PELI3: variants seen among roughly 807,000 people sequenced by gnomAD.
PELI3 encodes the protein pellino E3 ubiquitin protein ligase family member 3, also known as E3 ubiquitin-protein ligase pellino homolog 3.
A neutral mutation model predicts 35.5 loss-of-function variants in PELI3; 19 were observed. The observed-to-expected ratio is 0.54, with a 90% CI of 0.37 to 0.79. The LOEUF (loss-of-function observed/expected upper bound fraction) is 0.79, where lower values mean the gene tolerates loss of function less well. Among genes scored for constraint, PELI3 ranks in the 30% least tolerant of loss-of-function variants. The probability of loss-of-function intolerance (pLI) is 0.00; values close to 1 mark genes in which losing one functional copy is unlikely to be tolerated. For missense variants in PELI3, 490 were observed against 661.2 expected, an observed-to-expected ratio of 0.74 and a Z score of 2.84; for synonymous variants, 262 against 279.2, an observed-to-expected ratio of 0.94 and a Z score of 0.62.
At position 66,467,990 on chromosome 11, in the gene PELI3, A is replaced by G; in HGVS notation, c.-1-138A>G. 1.9e-6 allele frequency: 2 copies of G among 1,064,168 alleles called. No individual in the cohort carries two copies. The highest frequency in any genetic ancestry group is 3.8e-5 in the South Asian group (2 of 51,984). 65.9% of individuals were successfully genotyped at this position (1,064,168 alleles called of 1,614,324 possible). On this transcript the variant is annotated intron_variant, in intron 1 of 7. Coordinates refer to ENST00000320740, the MANE Select transcript of PELI3 (RefSeq NM_145065.3). The surrounding 1 kb of genome is among the most constrained non-coding windows in gnomAD (Gnocchi z 4.2). ...GGGCAGTTTAGAGGAGGCAGAGGGG[A>G]AGTGGTTGCCATAGCAGTAGAGGCG...
chr11:66,467,771 A>G lies in PELI3; in HGVS notation c.-1-357A>G, dbSNP rs75685325. Among the ~76,000 whole-genome samples the G allele has an allele frequency of 0.18, 27,836 of 152,152 alleles. 3,370 individuals carry two copies. Among genetic ancestry groups the G allele is most frequent in the Non-Finnish European group, 0.24 (16,593 of 67,958 alleles). ...CAGAGGTCCAGAGGCTAAGAGCTAT[A>G]AGCAGGAACTGAGTCTGAGATGAGG... On this transcript the variant is annotated intron_variant, in intron 1 of 7. Transcript: ENST00000320740. This position sits in a 1 kb window ranked among gnomAD's most constrained non-coding sequence, Gnocchi z 4.2.
rs776126149 is a variant in PELI3, at chr11:66,471,359, G to A, written c.342G>A (p.Pro114=). The A allele has an allele frequency of 1.5e-5, 25 of 1,613,766 alleles. No individual in the cohort carries two copies. The highest frequency in any genetic ancestry group is 9.3e-5 in the African/African-American group (7 of 74,926). ...ACGTCATGCACCACATCTCCACGCC[G>A]CTCGTCTCCAAGGCAAGCAACTGAC... is the stretch of plus-strand genomic sequence containing the variant. ...KPDVMHHIST[P]LVSKALSNRG... Residue 114 remains proline, a synonymous_variant, in exon 4 of 8, where the codon CCG becomes CCA. Coordinates refer to ENST00000320740, the MANE Select transcript of PELI3 (RefSeq NM_145065.3).
intron 2 of PELI3, 34 bp downstream of exon 2, chr11:66,468,314 C>A (rs1854606937): frequency 7.0e-7 from 1 of 1,425,110 alleles, no homozygotes; most frequent in African/African-American, 1.5e-5. Context: ...GGTGAAGCAC[C>A]AGACACCCAC....
Position 66,473,310 on chromosome 11 carries a change from G to A in PELI3, c.526G>A (p.Glu176Lys), listed in dbSNP as rs764668511. The A allele has an allele frequency of 2.0e-5, 32 of 1,613,314 alleles. No homozygotes were observed. Among genetic ancestry groups the A allele is most frequent in the Non-Finnish European group, 2.7e-5 (32 of 1,179,968 alleles). Residue 176 changes from glutamate to lysine, a missense_variant, in exon 6 of 8, where the codon GAG (glutamate) becomes AAG (lysine). Around this residue, in one of 3 missense-constraint regions of PELI3, gnomAD observed 349 missense variants for 484.8 expected, o/e 0.72. Coordinates refer to ENST00000320740, the MANE Select transcript of PELI3 (RefSeq NM_145065.3). The surrounding 1 kb of genome is among the most constrained non-coding windows in gnomAD (Gnocchi z 5.8). The part of the protein sequence containing the change: ...TDTSPGGGAA[E>K]GPSAQSTISR... ...CACGTCCCCTGGAGGAGGGGCTGCC[G>A]AGGGCCCTTCTGCCCAGAGCACCAT...
At chr11:66,475,408 C>G (rs889604793) in intron 7 of PELI3, among the ~76,000 whole-genome samples, 190 bp from the exon 8 acceptor site, 15 of 152,252 alleles carry the variant, frequency 9.9e-5, no homozygotes, top group Non-Finnish European at 2.2e-4. Flanking sequence ...GGCCCATGCC[C>G]CGTTGGGAGG....
rs952241632 is a variant in PELI3 at position 66,475,850 on chromosome 11, G to A, written c.1093G>A (p.Val365Ile). The A allele has an allele frequency of 6.8e-6, 11 of 1,606,998 alleles. No individual in the cohort carries two copies. The highest frequency in any genetic ancestry group is 1.3e-5 in the African/African-American group (1 of 74,926). The change falls in exon 8 of 8, where the codon GTC becomes ATC. Residue 365 changes from valine to isoleucine, a missense_variant. This residue lies in a region of PELI3 where 349 missense variants were observed against 484.8 expected (regional missense o/e 0.72). Transcript: ENST00000320740. ...CTGGGTCTACGTCCGCTGCGGGCAC[G>A]TCCATGGCTACCACGGCTGGGGCTG... ...QPWVYVRCGH[V>I]HGYHGWGCRR...
chr11:66,468,764 G>A (rs200713183), intron 2 of PELI3, 69 bp from the exon 3 acceptor site: 5 of 756,312 alleles, frequency 6.6e-6, no homozygotes, highest in East Asian at 2.5e-5. Context: ...AGCACATATC[G>A]AGTGTTCTGG....
In PELI3 at chr11:66,473,206, C is replaced by T; in HGVS notation, c.457-35C>T. The stretch of plus-strand genomic sequence containing the variant: ...AAGGCCCATGAGAGTCCCCTATGTA[C>T]ATACAGTCCCTGCTTGCTCTCCCTG... On this transcript the variant is annotated intron_variant, in intron 5 of 7. Transcript: ENST00000320740. The surrounding 1 kb of genome is among the most constrained non-coding windows in gnomAD (Gnocchi z 5.8). 1 of 1,567,778 alleles carries T rather than the reference C, an allele frequency of 6.4e-7. No individual in the cohort carries two copies. Among genetic ancestry groups the T allele is most frequent in the South Asian group, 1.2e-5 (1 of 84,472 alleles).
At position 66,475,866 on chromosome 11, in the gene PELI3, G is replaced by C; in HGVS notation, c.1109G>C (p.Gly370Ala). The stretch of plus-strand genomic sequence containing the variant: ...TGCGGGCACGTCCATGGCTACCACG[G>C]CTGGGGCTGCCGGCGGGAGCGGGGC... ...VRCGHVHGYH[G>A]WGCRRERGPQ... Residue 370 changes from glycine (G) to alanine (A), a missense_variant, in exon 8 of 8, where the codon GGC becomes GCC. By Grantham distance (60) the Gly-to-Ala change is moderately conservative (BLOSUM62 0). Around this residue, in one of 3 missense-constraint regions of PELI3, gnomAD observed 349 missense variants for 484.8 expected, o/e 0.72. Transcript: ENST00000320740. The C allele has an allele frequency of 1.2e-6, 2 of 1,606,282 alleles. No homozygotes were observed. The highest frequency in any genetic ancestry group is 1.7e-6 in the Non-Finnish European group (2 of 1,177,450).
Position 66,474,519 on chromosome 11 carries a change from C to T in PELI3, c.840+594C>T, listed in dbSNP as rs2040306. The T allele has an allele frequency of 7.8e-5, 14 of 178,780 alleles. No homozygotes were observed. The Admixed American group carries it at 9.0e-4, about 11-fold the overall frequency. 11.1% of individuals were successfully genotyped at this position (178,780 alleles called of 1,614,324 possible). ...CTCCTCAAACTGGCCATGCACTGCTCTTCTCTGGCATGAGCACATTGGCCA... is the reference window on the plus strand; with the variant it reads ...CTCCTCAAACTGGCCATGCACTGCTTTTCTCTGGCATGAGCACATTGGCCA... On this transcript the variant is annotated intron_variant, in intron 7 of 7. Coordinates refer to ENST00000320740, the MANE Select transcript of PELI3 (RefSeq NM_145065.3).
In PELI3 at chr11:66,475,716, C is replaced by T; in HGVS notation, c.959C>T (p.Ala320Val). 6.2e-7 allele frequency: 1 copy of T among 1,612,152 alleles called. No homozygotes were observed. The highest frequency in any genetic ancestry group is 8.5e-7 in the Non-Finnish European group (1 of 1,179,694). Reference protein sequence around the residue: ...LRAPTLKQLEAQRQEANAARP... With the variant: ...LRAPTLKQLEVQRQEANAARP... The stretch of plus-strand genomic sequence containing the variant: ...GCTCCCACACTGAAGCAACTGGAGG[C>T]CCAGCGGCAGGAGGCAAATGCAGCG... Residue 320 changes from alanine (A) to valine (V), a missense_variant, in exon 8 of 8, where the codon GCC becomes GTC. Physicochemically the swap from Ala to Val is moderately conservative, Grantham distance 64. Coordinates refer to ENST00000320740, the MANE Select transcript of PELI3 (RefSeq NM_145065.3).
rs1854700640 is a variant in PELI3, at chr11:66,471,155, T to C, written c.225-87T>C. The C allele has an allele frequency of 2.0e-6, 3 of 1,471,830 alleles. No individual in the cohort carries two copies. The East Asian group carries it at 6.9e-5, about 34-fold the overall frequency. 91.2% of individuals were successfully genotyped at this position (1,471,830 alleles called of 1,614,324 possible). Reference sequence around the variant, plus strand: ...GTAGGATCTGCCTAGAAGTTGGCAGTTTCCTCCAAGTCTCATCAGGGGTTC... The same window carrying C: ...GTAGGATCTGCCTAGAAGTTGGCAGCTTCCTCCAAGTCTCATCAGGGGTTC... On this transcript the variant is annotated intron_variant, in intron 3 of 7. Transcript: ENST00000320740.
rs767276383 is a variant in PELI3, at chr11:66,472,453, G to A, written c.439G>A (p.Asp147Asn). 13 of 1,613,916 alleles carry A rather than the reference G, an allele frequency of 8.1e-6. No individual in the cohort carries two copies. The highest frequency in any genetic ancestry group is 1.7e-5 in the Admixed American group (1 of 60,004). Residue 147 changes from aspartate to asparagine, a missense_variant, in exon 5 of 8, where the codon GAC becomes AAC. Physicochemically the swap from Asp to Asn is conservative, Grantham distance 23 (BLOSUM62 1). Coordinates refer to ENST00000320740, the MANE Select transcript of PELI3 (RefSeq NM_145065.3). ...CATAGTGGAGTATACACATGATAGCGACACAGACATGTTCCAGGTATGCTC... is the reference window on the plus strand; with the variant it reads ...CATAGTGGAGTATACACATGATAGCAACACAGACATGTTCCAGGTATGCTC... ...SVIVEYTHDS[D>N]TDMFQIGRST... is the part of the protein sequence containing the mutation.
At chr11:66,472,319 C>T (rs752745378) in intron 4 of PELI3, 50 bp from the exon 5 acceptor site, 31 of 1,465,302 alleles carry the variant, frequency 2.1e-5, no homozygotes, top group Non-Finnish European at 2.8e-5. Flanking sequence ...TCAAGGCATA[C>T]ACTTATCATG....
chr11:66,470,040 T>A (rs1854666439), intron 3 of PELI3, among the ~76,000 whole-genome samples: 1 of 152,122 alleles, frequency 6.6e-6, no homozygotes, highest in African/African-American at 2.4e-5. Flanking sequence ...CCTCAAGTGA[T>A]CTGCCTGCCT....
chr11:66,470,969 A>C (rs1854694577), intron 3 of PELI3, among the ~76,000 whole-genome samples: 1 of 152,166 alleles, frequency 6.6e-6, no homozygotes, highest in African/African-American at 2.4e-5. Context: ...CCCAGTGCAC[A>C]GCACCCATCC....
chr11:66,468,079 G>A (rs926936803), intron 1 of PELI3, 49 bp from the exon 2 acceptor site: 3 of 1,530,924 alleles, frequency 2.0e-6, no homozygotes, highest in African/African-American at 1.4e-5. Context: ...GAATTGAGCC[G>A]GGCTGGGGTG....
chr11:66,468,287 A>C lies in PELI3; in HGVS notation c.152+7A>C. ...GTGAACTCATCGTCCTGGGGTGAGC[A>C]TCCCTGGCCTAGAAGGGGTGAAGCA... On this transcript the variant is annotated splice_region_variant and intron_variant, in intron 2 of 7. Coordinates refer to ENST00000320740, the MANE Select transcript of PELI3 (RefSeq NM_145065.3). The C allele has an allele frequency of 6.8e-7, 1 of 1,474,486 alleles. No homozygotes were observed. Among genetic ancestry groups the C allele is most frequent in the Non-Finnish European group, 9.0e-7 (1 of 1,105,308 alleles). 91.3% of individuals were successfully genotyped at this position (1,474,486 alleles called of 1,614,324 possible).
intron 7 of PELI3, chr11:66,474,742 T>TA (rs1363503987): frequency 3.9e-5 from 6 of 152,012 alleles, no homozygotes; most frequent in African/African-American, 1.5e-4. Flanking sequence ...TTTATTTATT[T>TA]TTTTTGAGAT....
Sources: allele counts gnomAD v4.1 joint callset (sites outside exome capture counted in the v4.1 genomes callset), GRCh38; gene constraint gnomAD v4.1.1; regional missense constraint gnomAD v4.1.1; non-coding constraint Gnocchi (gnomAD v3.1); transcripts MANE v1.5; gene names NCBI Gene and HGNC (gene_info 2026-07-23, HGNC 2026-07-21).